The following AGAP1 variants were observed in gnomAD, a reference collection of about 807,000 sequenced individuals.
The protein encoded by AGAP1 is ArfGAP with GTPase domain, ankyrin repeat and PH domain 1, also known as arf-GAP with GTPase, ANK repeat and PH domain-containing protein 1.
In AGAP1, 29 loss-of-function variants were observed where a neutral mutation model predicts 105.3. That is an observed-to-expected ratio of 0.28 (90% CI 0.21 to 0.38). The LOEUF (loss-of-function observed/expected upper bound fraction) is 0.38. Among genes scored for constraint, AGAP1 ranks in the 10% least tolerant of loss-of-function variants. The pLI is 1.00. For missense variants in AGAP1, 998 were observed against 1,165.1 expected (o/e 0.86, Z 2.09); for synonymous variants, 509 against 485.9 (o/e 1.05, Z -0.63).
Position 236,104,118 on chromosome 2 carries a change from A to G in AGAP1, c.2115-16074A>G, listed in dbSNP as rs941627717. Among the ~76,000 whole-genome samples, 10 of 152,074 alleles carry G rather than the reference A, an allele frequency of 6.6e-5. No homozygotes were observed. Among genetic ancestry groups the G allele is most frequent in the Admixed American group, 1.3e-4 (2 of 15,278 alleles). On this transcript the variant is annotated intron_variant, in intron 16 of 17. Coordinates refer to ENST00000304032, the MANE Select transcript of AGAP1 (RefSeq NM_001037131.3). This position sits in a 1 kb window ranked among gnomAD's most constrained non-coding sequence, Gnocchi z 4.7. Reference sequence around the variant, plus strand: ...TGCATTTAGGTGGGGGGCCTTGGGCAGTGGGTCTGCCCCAGGAGCCCCGCA... The same window carrying G: ...TGCATTTAGGTGGGGGGCCTTGGGCGGTGGGTCTGCCCCAGGAGCCCCGCA...
intron 13 of AGAP1, among the ~76,000 whole-genome samples, chr2:235,984,293 T>G (rs570329046): frequency 7.0e-4 from 107 of 152,320 alleles, no homozygotes; most frequent in Non-Finnish European, 1.3e-3. Flanking sequence ...TTTTGTTTGT[T>G]GACAGACACT....
chr2:235,561,173 G>A (rs1944138141), intron 1 of AGAP1, among the ~76,000 whole-genome samples: 1 of 152,166 alleles, frequency 6.6e-6, no homozygotes, highest in African/African-American at 2.4e-5. Flanking sequence ...TGAACACAGA[G>A]TTTCTGCTTC....
rs116160933 is a variant in AGAP1 at position 235,750,853 on chromosome 2, C to T, written c.673+365C>T. Among the ~76,000 whole-genome samples, 561 of 152,180 alleles carry T rather than the reference C, an allele frequency of 3.7e-3. 3 individuals are homozygous for T. Among genetic ancestry groups the T allele is most frequent in the African/African-American group, 0.013 (538 of 41,508 alleles). ...TAATTGCCCATTCTTAATCCAGTCC[C>T]GTCCTTTAAAGCAGTTTAAATATTT... On this transcript the variant is annotated intron_variant, in intron 6 of 17. Transcript: ENST00000304032. The surrounding 1 kb of genome is among the most constrained non-coding windows in gnomAD (Gnocchi z 5.3).
chr2:236,045,554 T>A lies in AGAP1; in HGVS notation c.1892-3505T>A, dbSNP rs993737356. On this transcript the variant is annotated intron_variant, in intron 15 of 17. Coordinates refer to ENST00000304032, the MANE Select transcript of AGAP1 (RefSeq NM_001037131.3). This position sits in a 1 kb window ranked among gnomAD's most constrained non-coding sequence, Gnocchi z 6.9. ...AAGGTGGAAAGGCAGTGCTAGCAGG[T>A]GGCACGCACACAGGTGTGAGGGCCT... 1.3e-5 allele frequency among the ~76,000 whole-genome samples: 2 copies of A among 152,170 alleles called. No homozygotes were observed. The highest frequency in any genetic ancestry group is 2.9e-5 in the Non-Finnish European group (2 of 68,030).
rs1952159573 is a variant in AGAP1 at position 235,734,925 on chromosome 2, G to T, written c.311-6038G>T. Among the ~76,000 whole-genome samples the T allele has an allele frequency of 6.6e-6, 1 of 151,970 alleles. No homozygotes were observed. The highest frequency in any genetic ancestry group is 2.4e-5 in the African/African-American group (1 of 41,430). ...GTGTCTGAACTCCTTTTCCTCCTGA[G>T]TGGATTTGGGTGTTGCCAGTGATGT... On this transcript the variant is annotated intron_variant, in intron 3 of 17. Coordinates refer to ENST00000304032, the MANE Select transcript of AGAP1 (RefSeq NM_001037131.3). The surrounding 1 kb of genome is among the most constrained non-coding windows in gnomAD (Gnocchi z 5.3).
intron 2 of AGAP1, among the ~76,000 whole-genome samples, chr2:235,715,223 C>G (rs554815616): frequency 6.6e-6 from 1 of 152,352 alleles, no homozygotes; most frequent in East Asian, 1.9e-4. Flanking sequence ...TCCTTGTCAT[C>G]CATCTATCCA....
chr2:235,963,054 T>C lies in AGAP1; in HGVS notation c.1484-5408T>C, dbSNP rs1403386625. On this transcript the variant is annotated intron_variant, in intron 12 of 17. Coordinates refer to ENST00000304032, the MANE Select transcript of AGAP1 (RefSeq NM_001037131.3). The surrounding 1 kb of genome is among the most constrained non-coding windows in gnomAD (Gnocchi z 5.1). ...GAAAACGTGGATGTGGAGGAAATGCTGATGGGTTGGCTGTGGTGGTCTCTT... is the reference window on the plus strand; with the variant it reads ...GAAAACGTGGATGTGGAGGAAATGCCGATGGGTTGGCTGTGGTGGTCTCTT... Among the ~76,000 whole-genome samples the C allele has an allele frequency of 6.6e-6, 1 of 152,162 alleles. No homozygotes were observed. Among genetic ancestry groups the C allele is most frequent in the Non-Finnish European group, 1.5e-5 (1 of 68,030 alleles).
At chr2:235,798,491 A>C (rs982768277) in intron 7 of AGAP1, among the ~76,000 whole-genome samples, 1 of 152,090 alleles carries the variant, frequency 6.6e-6, no homozygotes. Context: ...TTTTAAGGAC[A>C]TGGTGGAAGG....
rs200472977 is a variant in AGAP1 at position 235,797,750 on chromosome 2, G to A, written c.674-9G>A. ...GACATGGATTTCTTTTTGTCTGTGTGTCCACCAGTTGCCCAGAAGATTGTT... is the reference window on the plus strand; with the variant it reads ...GACATGGATTTCTTTTTGTCTGTGTATCCACCAGTTGCCCAGAAGATTGTT... On this transcript the variant is annotated splice_polypyrimidine_tract_variant and intron_variant, in intron 6 of 17. Coordinates refer to ENST00000304032, the MANE Select transcript of AGAP1 (RefSeq NM_001037131.3). The A allele has an allele frequency of 4.1e-4, 664 of 1,614,080 alleles. 2 individuals carry two copies. The highest frequency in any genetic ancestry group is 2.7e-5 in the Non-Finnish European group (32 of 1,179,992).
Position 236,036,797 on chromosome 2 carries a change from A to AAATAGAGG in AGAP1, c.1800+84_1800+91dup. On this transcript the variant is annotated intron_variant, in intron 14 of 17. Coordinates refer to ENST00000304032, the MANE Select transcript of AGAP1 (RefSeq NM_001037131.3). The surrounding 1 kb of genome is among the most constrained non-coding windows in gnomAD (Gnocchi z 5.7). ...CCCAAGTAATGCCCCAGGGAGGAGA[A>AAATAGAGG]AATAGAGGACCAGTGTGAATGACAG... 2 of 1,563,930 alleles carry AAATAGAGG rather than the reference A, an allele frequency of 1.3e-6. No homozygotes were observed. The highest frequency in any genetic ancestry group is 1.7e-6 in the Non-Finnish European group (2 of 1,160,244).
intron 16 of AGAP1, among the ~76,000 whole-genome samples, chr2:236,102,237 G>A (rs1378806926): frequency 6.6e-6 from 1 of 152,134 alleles, no homozygotes; most frequent in Non-Finnish European, 1.5e-5. Context: ...CTAACACGGT[G>A]AAACCCTGTT....
Position 235,551,621 on chromosome 2 carries a change from C to T in AGAP1, c.163+56772C>T, listed in dbSNP as rs141766752. Among the ~76,000 whole-genome samples the T allele has an allele frequency of 1.4e-3, 214 of 152,334 alleles. No individual in the cohort carries two copies. The highest frequency in any genetic ancestry group is 4.9e-3 in the African/African-American group (205 of 41,586). ...GCCTGAGCTGCATGCATTCTAAGGACACTTTGTGAGACTAATTAAAACGTT... is the reference window on the plus strand; with the variant it reads ...GCCTGAGCTGCATGCATTCTAAGGATACTTTGTGAGACTAATTAAAACGTT... On this transcript the variant is annotated intron_variant, in intron 1 of 17. Transcript: ENST00000304032. This position sits in a 1 kb window ranked among gnomAD's most constrained non-coding sequence, Gnocchi z 4.8.
intron 13 of AGAP1, among the ~76,000 whole-genome samples, chr2:236,030,129 G>A (rs549177120): frequency 3.0e-4 from 45 of 152,288 alleles, no homozygotes; most frequent in Admixed American, 1.3e-3. Context: ...ACTATCTGGC[G>A]ACTCTCACTG....
intron 6 of AGAP1, among the ~76,000 whole-genome samples, chr2:235,775,222 A>G (rs1271372402): frequency 6.6e-6 from 1 of 152,310 alleles, no homozygotes; most frequent in East Asian, 1.9e-4. Flanking sequence ...TTCCTGTCCC[A>G]GACTGTAGCA....
At chr2:235,501,813 T>G (rs1343452444) in intron 1 of AGAP1, among the ~76,000 whole-genome samples, 1 of 152,152 alleles carries the variant, frequency 6.6e-6, no homozygotes, top group Non-Finnish European at 1.5e-5. Flanking sequence ...CTTCACGTCC[T>G]TAGCTTAAGT....
chr2:235,519,147 A>G (rs952740384), intron 1 of AGAP1, among the ~76,000 whole-genome samples: 1 of 152,122 alleles, frequency 6.6e-6, no homozygotes, highest in Non-Finnish European at 1.5e-5. Flanking sequence ...ATCGTAGCTC[A>G]CCATAACCTC....
Position 235,904,217 on chromosome 2 carries a change from G to A in AGAP1, c.1156-4521G>A, listed in dbSNP as rs941029052. On this transcript the variant is annotated intron_variant, in intron 10 of 17. Transcript: ENST00000304032. The surrounding 1 kb of genome is among the most constrained non-coding windows in gnomAD (Gnocchi z 4.2). ...ACGGCAATAGATGCAACATAATTAG[G>A]AGCGAAATGTAAAAAACAAGGGATG... Among the ~76,000 whole-genome samples, 1 of 152,188 alleles carries A rather than the reference G, an allele frequency of 6.6e-6. No individual in the cohort carries two copies. The highest frequency in any genetic ancestry group is 2.4e-5 in the African/African-American group (1 of 41,444).
chr2:235,905,575 C>T lies in AGAP1; in HGVS notation c.1156-3163C>T, dbSNP rs2051266196. Among the ~76,000 whole-genome samples, 1 of 152,216 alleles carries T rather than the reference C, an allele frequency of 6.6e-6. No homozygotes were observed. The highest frequency in any genetic ancestry group is 6.5e-5 in the Admixed American group (1 of 15,292). ...AGTGCAATGGCATGATCTCTGCTCC[C>T]TGCAATCTCTGTCTCCCAGGTTCAA... On this transcript the variant is annotated intron_variant, in intron 10 of 17. Transcript: ENST00000304032. The surrounding 1 kb of genome is among the most constrained non-coding windows in gnomAD (Gnocchi z 4.2).
rs921516348 is a variant in AGAP1, at chr2:236,003,416, G to A, written c.1646-33145G>A. On this transcript the variant is annotated intron_variant, in intron 13 of 17. Coordinates refer to ENST00000304032, the MANE Select transcript of AGAP1 (RefSeq NM_001037131.3). This position sits in a 1 kb window ranked among gnomAD's most constrained non-coding sequence, Gnocchi z 4.2. ...CCTCACGCAGCAGGGGAGGATGCTGGCCCACACCAAGGCACCAAGATTTTA... is the reference window on the plus strand; with the variant it reads ...CCTCACGCAGCAGGGGAGGATGCTGACCCACACCAAGGCACCAAGATTTTA... 2.6e-5 allele frequency among the ~76,000 whole-genome samples: 4 copies of A among 152,108 alleles called. No individual in the cohort carries two copies. The East Asian group carries it at 7.7e-4, about 29-fold the overall frequency.
Sources: gnomAD v4.1 joint callset for allele counts (sites outside exome capture counted in the v4.1 genomes callset) on GRCh38, gnomAD v4.1.1 for gene constraint, Gnocchi (gnomAD v3.1) non-coding constraint, MANE v1.5 for transcripts, NCBI Gene and HGNC (gene_info 2026-07-23, HGNC 2026-07-21) for gene names.